Variants in PCSK6 observed in about 807,000 individuals in gnomAD.
PCSK6 encodes the protein proprotein convertase subtilisin/kexin type 6, also known as paired basic amino acid cleaving enzyme 4.
Under a neutral mutation model 123.3 loss-of-function variants are expected in PCSK6, and 85 were observed. The ratio of observed to expected loss-of-function variants is 0.69; its 90% CI spans 0.58 to 0.83. The LOEUF (loss-of-function observed/expected upper bound fraction) is 0.83. PCSK6 is among the 40% of genes least tolerant of loss of function. The probability of loss-of-function intolerance (pLI) is 0.00; values close to 1 mark genes in which losing one functional copy is unlikely to be tolerated. For missense variants in PCSK6, 1,191 were observed against 1,282.3 expected, an observed-to-expected ratio of 0.93 and a Z score of 1.09; for synonymous variants, 508 against 516.0, an observed-to-expected ratio of 0.98 and a Z score of 0.21.
At position 101,399,696 on chromosome 15, in the gene PCSK6, C is replaced by T. The variant is rs574099459; in HGVS notation, c.824-1120G>A. On this transcript the variant is annotated intron_variant, in intron 6 of 21. Transcript: ENST00000611716. Reference sequence around the variant, plus strand: ...ACGGGGAAGCAGGGGGTAATGACGGCCATGGACACACTCTTCCTGGATTCT... The same window carrying T: ...ACGGGGAAGCAGGGGGTAATGACGGTCATGGACACACTCTTCCTGGATTCT... 2.5e-4 allele frequency among the ~76,000 whole-genome samples: 38 copies of T among 152,246 alleles called. No individual in the cohort carries two copies. The South Asian group carries it at 7.9e-3, about 32-fold the overall frequency.
chr15:101,370,178 G>A (rs140545788), intron 12 of PCSK6, among the ~76,000 whole-genome samples, 157 bp downstream of exon 12: 1 of 152,330 alleles, frequency 6.6e-6, no homozygotes, highest in East Asian at 1.9e-4. Context: ...ACATGCAAGG[G>A]TCTCCAAGAG....
chr15:101,486,032 C>T (rs963575788), intron 1 of PCSK6, among the ~76,000 whole-genome samples: 5 of 144,714 alleles, frequency 3.5e-5, no homozygotes, highest in South Asian at 4.4e-4. Flanking sequence ...GGTGCGGTCT[C>T]GGTTCACTGC....
At chr15:101,309,481 G>A (rs1043898316) in intron 20 of PCSK6, among the ~76,000 whole-genome samples, 1 of 152,224 alleles carries the variant, frequency 6.6e-6, no homozygotes, top group African/African-American at 2.4e-5. Flanking sequence ...CACCATGGCC[G>A]CTTTGCCCTG....
intron 2 of PCSK6, among the ~76,000 whole-genome samples, chr15:101,439,539 C>T (rs1359128703): frequency 6.6e-6 from 1 of 152,216 alleles, no homozygotes; most frequent in Non-Finnish European, 1.5e-5. Context: ...CTGCCTGGCC[C>T]TGCCCTCAGC....
At chr15:101,418,870 T>C (rs910255956) in intron 6 of PCSK6, among the ~76,000 whole-genome samples, 21 of 152,278 alleles carry the variant, frequency 1.4e-4, no homozygotes, top group African/African-American at 3.6e-4. Flanking sequence ...ACAATAAAGT[T>C]GAAAAACAAT....
intron 19 of PCSK6, among the ~76,000 whole-genome samples, chr15:101,314,954 C>T (rs564995875): frequency 4.6e-5 from 7 of 152,302 alleles, no homozygotes; most frequent in Admixed American, 3.3e-4. Flanking sequence ...GGGTGGGTCT[C>T]ATACACCAGG....
At chr15:101,467,129 C>T (rs2057481102) in intron 1 of PCSK6, among the ~76,000 whole-genome samples, 1 of 152,050 alleles carries the variant, frequency 6.6e-6, no homozygotes, top group Non-Finnish European at 1.5e-5. Flanking sequence ...AACTGGGAAA[C>T]ACGGTTTCCC....
intron 1 of PCSK6, among the ~76,000 whole-genome samples, chr15:101,459,422 G>A (rs55990600): frequency 0.15 from 17,952 of 117,426 alleles, 1,340 homozygotes; most frequent in East Asian, 0.21. Context: ...GGCTTGCTCC[G>A]CGTCTCCTCT....
chr15:101,423,347 C>A (rs1399423521), intron 6 of PCSK6, among the ~76,000 whole-genome samples: 1 of 151,700 alleles, frequency 6.6e-6, no homozygotes, highest in Non-Finnish European at 1.5e-5. Flanking sequence ...GCAACCTCCG[C>A]CTCCCAGGTC....
Position 101,398,643 on chromosome 15 carries a change from C to A in PCSK6, c.824-67G>T. On this transcript the variant is annotated intron_variant, in intron 6 of 21. Transcript: ENST00000611716. The surrounding 1 kb of genome is among the most constrained non-coding windows in gnomAD (Gnocchi z 4.6). Reference sequence around the variant, plus strand: ...GGGCACACAGCGACGGGAACCCGGGCCCAGGAGGCTCGGATGAGGACACCG... The same window carrying A: ...GGGCACACAGCGACGGGAACCCGGGACCAGGAGGCTCGGATGAGGACACCG... 1.3e-6 allele frequency: 2 copies of A among 1,540,514 alleles called. No homozygotes were observed. The highest frequency in any genetic ancestry group is 1.2e-5 in the South Asian group (1 of 85,102).
chr15:101,489,206 C>CT, intron 1 of PCSK6, among the ~76,000 whole-genome samples, 168 bp downstream of exon 1: 1 of 48,844 alleles, frequency 2.0e-5, no homozygotes, highest in African/African-American at 6.4e-5. Flanking sequence ...CCGGGCGACA[C>CT]CCCCCCCCGC....
chr15:101,404,072 G>A (rs988506276), intron 6 of PCSK6, among the ~76,000 whole-genome samples: 3 of 152,206 alleles, frequency 2.0e-5, no homozygotes, highest in Non-Finnish European at 2.9e-5. Context: ...TTAATCCTTT[G>A]TTGGTAATGC....
intron 6 of PCSK6, among the ~76,000 whole-genome samples, chr15:101,422,196 T>C (rs1211890437): frequency 2.0e-5 from 3 of 152,070 alleles, no homozygotes; most frequent in Admixed American, 6.5e-5. Context: ...GGGGATAGAG[T>C]TGGGACTGTC....
intron 15 of PCSK6, among the ~76,000 whole-genome samples, chr15:101,327,721 C>T (rs1053664692): frequency 1.3e-5 from 2 of 152,194 alleles, no homozygotes; most frequent in Non-Finnish European, 2.9e-5. Flanking sequence ...GCAAAGCCCT[C>T]TTCACTCGTC....
chr15:101,320,154 C>T (rs1399201978), intron 18 of PCSK6, among the ~76,000 whole-genome samples: 2 of 152,168 alleles, frequency 1.3e-5, no homozygotes, highest in African/African-American at 4.8e-5. Context: ...GGCACGATCT[C>T]AGCTCACTGC....
intron 13 of PCSK6, chr15:101,347,183 G>A: frequency 3.2e-6 from 4 of 1,231,796 alleles, no homozygotes; most frequent in Non-Finnish European, 4.0e-6. Flanking sequence ...GAAGGCATGT[G>A]CTTTAAATCT....
At chr15:101,386,263 G>A (rs1245485455) in intron 9 of PCSK6, among the ~76,000 whole-genome samples, 1 of 152,154 alleles carries the variant, frequency 6.6e-6, no homozygotes, top group Admixed American at 6.5e-5. Context: ...AAGAGAGAGA[G>A]CTGAAGTACC....
At chr15:101,319,819 C>T (rs961959599) in intron 18 of PCSK6, among the ~76,000 whole-genome samples, 4 of 152,254 alleles carry the variant, frequency 2.6e-5, no homozygotes, top group Non-Finnish European at 5.9e-5. Context: ...AAACCTCACC[C>T]TCCGCATCTC....
At chr15:101,319,571 G>A (rs1407852060) in intron 18 of PCSK6, among the ~76,000 whole-genome samples, 1 of 152,230 alleles carries the variant, frequency 6.6e-6, no homozygotes, top group East Asian at 1.9e-4. Flanking sequence ...CAGAGCTTTG[G>A]AATTTTTAGC....
Sources: allele counts gnomAD v4.1 joint callset (sites outside exome capture counted in the v4.1 genomes callset), GRCh38; gene constraint gnomAD v4.1.1; non-coding constraint Gnocchi (gnomAD v3.1); transcripts MANE v1.5; gene names NCBI Gene and HGNC (gene_info 2026-07-23, HGNC 2026-07-21).